Variants in FUT9 observed in about 807,000 individuals in gnomAD.
FUT9 encodes fucosyltransferase 9, also known as 4-galactosyl-N-acetylglucosaminide 3-alpha-L-fucosyltransferase 9.
Under a neutral mutation model 29.7 loss-of-function variants are expected in FUT9, and 15 were observed. The observed-to-expected ratio is 0.51, with a 90% CI of 0.34 to 0.78. FUT9 has a LOEUF of 0.78. FUT9 is among the 30% of genes least tolerant of loss of function. The pLI is 0.01. For missense variants in FUT9, 319 were observed against 425.4 expected, an observed-to-expected ratio of 0.75 and a Z score of 2.20; for synonymous variants, 169 against 153.7, an observed-to-expected ratio of 1.10 and a Z score of -0.74.
At chr6:96,152,830 G>T (rs981216716) in intron 2 of FUT9, among the ~76,000 whole-genome samples, 1 of 152,158 alleles carries the variant, frequency 6.6e-6, no homozygotes, top group African/African-American at 2.4e-5. Context: ...CTTTTCAGAA[G>T]AAAGTTGCTA....
chr6:96,128,014 A>G (rs1245262540), intron 2 of FUT9, among the ~76,000 whole-genome samples: 1 of 152,110 alleles, frequency 6.6e-6, no homozygotes, highest in African/African-American at 2.4e-5. Flanking sequence ...TTTGCTGTGT[A>G]GAAGCTCTTT....
At chr6:96,150,860 G>A (rs1772663116) in intron 2 of FUT9, among the ~76,000 whole-genome samples, 1 of 152,154 alleles carries the variant, frequency 6.6e-6, no homozygotes, top group Non-Finnish European at 1.5e-5. Context: ...AGGACTGGGG[G>A]TAAGGGCAAT....
intron 2 of FUT9, among the ~76,000 whole-genome samples, chr6:96,117,459 A>G (rs965413860): frequency 6.6e-6 from 1 of 152,252 alleles, no homozygotes; most frequent in African/African-American, 2.4e-5. Flanking sequence ...AAAGCTCTAG[A>G]AGCAGTGATA....
chr6:96,062,565 C>T (rs1290172510), intron 1 of FUT9, among the ~76,000 whole-genome samples: 1 of 151,770 alleles, frequency 6.6e-6, no homozygotes, highest in Non-Finnish European at 1.5e-5. Flanking sequence ...TATCTATTGA[C>T]ATTTTTAGAT....
At chr6:96,203,123 C>T in intron 2 of FUT9, 25 bp from the exon 3 acceptor site, 2 of 1,536,708 alleles carry the variant, frequency 1.3e-6, no homozygotes, top group Non-Finnish European at 1.8e-6. Context: ...CGCTACCTCC[C>T]CTTCTGTCTT....
At chr6:96,055,143 A>G (rs964948625) in intron 1 of FUT9, among the ~76,000 whole-genome samples, 1 of 152,140 alleles carries the variant, frequency 6.6e-6, no homozygotes, top group Non-Finnish European at 1.5e-5. Context: ...CTTCTGATTA[A>G]TTGATTTATA....
chr6:96,123,397 A>G (rs574145382), intron 2 of FUT9, among the ~76,000 whole-genome samples: 1 of 152,322 alleles, frequency 6.6e-6, no homozygotes, highest in Non-Finnish European at 1.5e-5. Flanking sequence ...AAGACTGCTA[A>G]TATTATAGAG....
intron 1 of FUT9, among the ~76,000 whole-genome samples, chr6:96,057,579 A>T (rs1030221490): frequency 2.6e-5 from 4 of 152,172 alleles, no homozygotes; most frequent in South Asian, 4.1e-4. Flanking sequence ...TATTTTTTTT[A>T]AAGTTCTAAA....
At position 96,203,356 on chromosome 6, in the gene FUT9, G is replaced by A; in HGVS notation, c.201G>A (p.Leu67=). Residue 67 remains leucine, a synonymous_variant, in exon 3 of 3, where the codon CTG becomes CTA. Coordinates refer to ENST00000302103, the MANE Select transcript of FUT9 (RefSeq NM_006581.4). ...KTDYFNETTI[L]VWVWPFGQTF... is the part of the protein sequence containing the mutation. ...ATTATTTTAATGAAACTACTATTCT[G>A]GTGTGGGTGTGGCCATTTGGGCAGA... is the stretch of plus-strand genomic sequence containing the variant. The A allele has an allele frequency of 1.2e-6, 2 of 1,613,554 alleles. No individual in the cohort carries two copies. Among genetic ancestry groups the A allele is most frequent in the Non-Finnish European group, 1.7e-6 (2 of 1,179,716 alleles).
In FUT9 at chr6:96,204,058, T is replaced by G; in HGVS notation, c.903T>G (p.Tyr301Ter). The G allele has an allele frequency of 1.3e-6, 2 of 1,566,692 alleles. No individual in the cohort carries two copies. The highest frequency in any genetic ancestry group is 1.7e-6 in the Non-Finnish European group (2 of 1,158,114). ...ACTCTCCCAGTGAGCTAGCAAAGTA[T>G]CTGAAGGAAGTCGACAAAAACAATA... is the stretch of plus-strand genomic sequence containing the variant. ...DYNSPSELAK[Y>*]LKEVDKNNKL... Residue 301 changes from tyrosine (Y) to a stop codon, truncating the protein, a stop_gained, in exon 3 of 3, where the codon TAT (tyrosine) becomes TAG (stop). Transcript: ENST00000302103. LOFTEE classifies it high-confidence loss of function.
intron 2 of FUT9, among the ~76,000 whole-genome samples, chr6:96,130,485 C>G (rs1305426337): frequency 1.3e-5 from 2 of 152,020 alleles, no homozygotes. Flanking sequence ...AACTCCCATC[C>G]TTTTTTGAAA....
rs1773864755 is a variant in FUT9 at position 96,208,014 on chromosome 6, T to TA, written c.*3783dup. The TA allele has an allele frequency of 6.0e-6, 1 of 166,894 alleles. No homozygotes were observed. The highest frequency in any genetic ancestry group is 1.5e-5 in the Non-Finnish European group (1 of 68,006). 10.3% of individuals were successfully genotyped at this position (166,894 alleles called of 1,614,324 possible). ...TCTTAGTGGGAAACAAATACATGCT[T>TA]AAAATTGTTATATTTACTGTAAAAC... On this transcript the variant is annotated 3_prime_UTR_variant, in exon 3 of 3. Coordinates refer to ENST00000302103, the MANE Select transcript of FUT9 (RefSeq NM_006581.4).
intron 1 of FUT9, among the ~76,000 whole-genome samples, chr6:96,019,781 G>A (rs997770954): frequency 6.6e-6 from 1 of 151,888 alleles, no homozygotes; most frequent in Admixed American, 6.6e-5. Flanking sequence ...AAAGATTCAC[G>A]GAATTCAGAT....
chr6:96,070,027 A>T (rs1443885383), intron 1 of FUT9, among the ~76,000 whole-genome samples: 3 of 152,212 alleles, frequency 2.0e-5, no homozygotes, highest in African/African-American at 7.2e-5. Context: ...TCATGAATAA[A>T]TTATAAATTA....
chr6:96,147,163 C>CTT (rs869290093), intron 2 of FUT9, among the ~76,000 whole-genome samples: 2 of 143,452 alleles, frequency 1.4e-5, no homozygotes, highest in Admixed American at 7.0e-5. Context: ...TTTTATTTTT[C>CTT]TTTTTTTTTT....
intron 1 of FUT9, among the ~76,000 whole-genome samples, chr6:96,096,977 T>G (rs1771509369): frequency 6.6e-6 from 1 of 152,084 alleles, no homozygotes; most frequent in South Asian, 2.1e-4. Flanking sequence ...ATTAGGCACT[T>G]AAGCAACAGT....
chr6:96,076,582 G>A (rs1021545130), intron 1 of FUT9, among the ~76,000 whole-genome samples: 2 of 152,164 alleles, frequency 1.3e-5, no homozygotes, highest in African/African-American at 2.4e-5. Context: ...TGGAACTGCT[G>A]AGAACAACAT....
intron 2 of FUT9, among the ~76,000 whole-genome samples, chr6:96,155,557 T>C (rs1772765373): frequency 2.0e-5 from 3 of 151,762 alleles, no homozygotes; most frequent in African/African-American, 7.3e-5. Context: ...CCTGTAGTCC[T>C]AGCTGCTTGG....
chr6:96,113,762 G>A (rs1472178898), intron 1 of FUT9, among the ~76,000 whole-genome samples: 1 of 151,438 alleles, frequency 6.6e-6, no homozygotes, highest in African/African-American at 2.4e-5. Context: ...GCTGAGGCCG[G>A]AGAATGTCGT....
Sources: allele counts gnomAD v4.1 joint callset (sites outside exome capture counted in the v4.1 genomes callset), GRCh38; gene constraint gnomAD v4.1.1; transcripts MANE v1.5; gene names NCBI Gene and HGNC (gene_info 2026-07-23, HGNC 2026-07-21).